The following INTU variants were observed in gnomAD, a reference collection of about 807,000 sequenced individuals.
The protein encoded by INTU is protein inturned.
In INTU, 68 loss-of-function variants were observed where a neutral mutation model predicts 100.5. That is an observed-to-expected ratio of 0.68 (90% CI 0.56 to 0.83). The LOEUF (loss-of-function observed/expected upper bound fraction) is 0.83. Ranked by LOEUF, INTU falls within the 40% of genes least tolerant of loss-of-function variation. The pLI, the probability that INTU is intolerant of heterozygous loss-of-function variation, is 0.00. For missense variants in INTU, 1,071 were observed against 1,114.7 expected (o/e 0.96, Z 0.56); for synonymous variants, 357 against 395.7 (o/e 0.90, Z 1.16).
At chr4:127,642,690 C>T (rs1027090246) in intron 1 of INTU, among the ~76,000 whole-genome samples, 1 of 152,032 alleles carries the variant, frequency 6.6e-6, no homozygotes, top group Admixed American at 6.6e-5. Flanking sequence ...CTGTTCATAA[C>T]ATTGAACAGG....
rs889050642 is a variant in INTU at position 127,718,681 on chromosome 4, C to T, written c.*2245C>T. The T allele has an allele frequency of 2.0e-5, 3 of 152,174 alleles. No individual in the cohort carries two copies. Among genetic ancestry groups the T allele is most frequent in the South Asian group, 2.1e-4 (1 of 4,826 alleles). 9.4% of individuals were successfully genotyped at this position (152,174 alleles called of 1,614,324 possible). ...TCCTTGAGCCGTGGTTTGTAGTTCTCCTTGAAGAGGTCCTTCACTTCCCTT... is the reference window on the plus strand; with the variant it reads ...TCCTTGAGCCGTGGTTTGTAGTTCTTCTTGAAGAGGTCCTTCACTTCCCTT... On this transcript the variant is annotated 3_prime_UTR_variant, in exon 16 of 16. Coordinates refer to ENST00000335251, the MANE Select transcript of INTU (RefSeq NM_015693.4).
chr4:127,667,504 C>A (rs927301909), intron 4 of INTU, among the ~76,000 whole-genome samples: 1 of 151,988 alleles, frequency 6.6e-6, no homozygotes, highest in African/African-American at 2.4e-5. Context: ...CTGTGAGTTA[C>A]ATATTTAATA....
intron 2 of INTU, among the ~76,000 whole-genome samples, chr4:127,644,801 TTTTAAG>T (rs1335826977): frequency 2.0e-5 from 3 of 152,242 alleles, no homozygotes; most frequent in African/African-American, 4.8e-5. Flanking sequence ...GCTGACAGTC[TTTTAAG>T]TTTATCTAGC....
At chr4:127,648,109 C>A (rs1351989505) in intron 2 of INTU, among the ~76,000 whole-genome samples, 1 of 152,104 alleles carries the variant, frequency 6.6e-6, no homozygotes, top group Admixed American at 6.5e-5. Context: ...TATTTCTACC[C>A]AGGCCATTTC....
At chr4:127,651,277 T>A (rs1427057052) in intron 2 of INTU, among the ~76,000 whole-genome samples, 1 of 152,152 alleles carries the variant, frequency 6.6e-6, no homozygotes, top group Non-Finnish European at 1.5e-5. Flanking sequence ...GGTGTTTTAG[T>A]CATGAAGTCC....
At chr4:127,698,481 G>A (rs1219815864) in intron 8 of INTU, among the ~76,000 whole-genome samples, 7 of 150,868 alleles carry the variant, frequency 4.6e-5, no homozygotes, top group South Asian at 2.1e-4. Context: ...AAAAAAAGTC[G>A]TGTGTGAGGT....
At chr4:127,706,208 G>T (rs1730871923) in intron 11 of INTU, among the ~76,000 whole-genome samples, 2 of 152,178 alleles carry the variant, frequency 1.3e-5, no homozygotes, top group African/African-American at 4.8e-5. Context: ...AGGACTTCCA[G>T]TAACTGAGGC....
At chr4:127,695,484 A>G (rs1226049622) in intron 8 of INTU, among the ~76,000 whole-genome samples, 3 of 152,110 alleles carry the variant, frequency 2.0e-5, no homozygotes, top group Non-Finnish European at 4.4e-5. Context: ...GCACATGTCT[A>G]TAGTGTCAGC....
At chr4:127,679,920 A>G (rs959567267) in intron 6 of INTU, among the ~76,000 whole-genome samples, 5 of 152,176 alleles carry the variant, frequency 3.3e-5, no homozygotes, top group African/African-American at 1.2e-4. Flanking sequence ...GATAAAGGAG[A>G]TATCACCACC....
At chr4:127,686,493 C>T (rs1729832863) in intron 7 of INTU, 1 of 152,228 alleles carries the variant, frequency 6.6e-6, no homozygotes. Flanking sequence ...TATCAAACCA[C>T]ACGTGCCTCC....
intron 4 of INTU, among the ~76,000 whole-genome samples, chr4:127,663,844 G>GT (rs1728583593): frequency 6.6e-6 from 1 of 152,020 alleles, no homozygotes; most frequent in East Asian, 1.9e-4. Context: ...GGAAGGTATC[G>GT]TTGCAATATC....
intron 2 of INTU, among the ~76,000 whole-genome samples, chr4:127,655,885 C>T (rs545870495): frequency 3.9e-5 from 6 of 152,282 alleles, no homozygotes; most frequent in African/African-American, 1.2e-4. Context: ...ACTCCGTGGG[C>T]GTAGGACCCT....
At chr4:127,645,240 G>A (rs1263476210) in intron 2 of INTU, among the ~76,000 whole-genome samples, 3 of 152,146 alleles carry the variant, frequency 2.0e-5, no homozygotes, top group Non-Finnish European at 4.4e-5. Context: ...AGCTTAATTG[G>A]TGCCATGTGA....
At position 127,706,624 on chromosome 4, in the gene INTU, A is replaced by G. The variant is rs1369188319; in HGVS notation, c.1926A>G (p.Ile642Met). The G allele has an allele frequency of 6.2e-7, 1 of 1,614,100 alleles. No individual in the cohort carries two copies. The highest frequency in any genetic ancestry group is 1.7e-5 in the Admixed American group (1 of 59,986). The change falls in exon 12 of 16, where the codon ATA (isoleucine) becomes ATG (methionine). Residue 642 changes from isoleucine to methionine, a missense_variant. Transcript: ENST00000335251. ...LHQLDGVDSR[I>M]DERLASSPVP... ...AGCTGGATGGAGTAGATTCTCGCAT[A>G]GATGAACGGCTAGCATCTTCTCCAG...
chr4:127,689,044 A>G (rs1386285682), intron 8 of INTU, among the ~76,000 whole-genome samples: 1 of 129,530 alleles, frequency 7.7e-6, no homozygotes, highest in Non-Finnish European at 1.5e-5. Flanking sequence ...GTGCAGTGGC[A>G]TGATCATAGC....
intron 2 of INTU, among the ~76,000 whole-genome samples, chr4:127,652,098 A>C (rs1727913263): frequency 7.4e-6 from 1 of 135,982 alleles, no homozygotes; most frequent in African/African-American, 2.9e-5. Context: ...GAAGTTGCTT[A>C]TCAGCTTAAG....
Position 127,684,483 on chromosome 4 carries a change from A to G in INTU, c.1256A>G (p.Asp419Gly), listed in dbSNP as rs757403691. ...QTLKFMYGSL[D>G]SAFCQIENVP... ...TTAAAATTTATGTATGGTTCTTTAG[A>G]TAGGTAAGTACTTCTTCAAATTGAA... The change falls in exon 7 of 16, where the codon GAT becomes GGT. Residue 419 changes from aspartate (D) to glycine (G), a missense_variant. Asp to Gly is a moderately conservative substitution (Grantham distance 94). Transcript: ENST00000335251. 2.0e-6 allele frequency: 3 copies of G among 1,493,888 alleles called. No homozygotes were observed. The South Asian group carries it at 3.4e-5, about 17-fold the overall frequency. 92.5% of individuals were successfully genotyped at this position (1,493,888 alleles called of 1,614,324 possible).
Position 127,656,714 on chromosome 4 carries a change from C to T in INTU, c.761C>T (p.Pro254Leu), listed in dbSNP as rs1006050230. 3.1e-6 allele frequency: 5 copies of T among 1,591,054 alleles called. No homozygotes were observed. The highest frequency in any genetic ancestry group is 1.3e-5 in the African/African-American group (1 of 74,614). ...IERVLSCIPG[P>L]MQVKLTFENA... ...AGAGTTCTGTCTTGCATTCCTGGAC[C>T]TATGCAGGTATGGACATTCTTTTTC... Residue 254 changes from proline (P) to leucine (L), a missense_variant, in exon 3 of 16, where the codon CCT becomes CTT. By Grantham distance (98) the Pro-to-Leu change is moderately conservative. Transcript: ENST00000335251.
At position 127,725,451 on chromosome 4, in the gene INTU, T is replaced by G. The variant is rs935581402; in HGVS notation, c.*9015T>G. ...TTTGGTTAAAACAATTTATTAAATG[T>G]CTTAAATTTCTGGATATGTCCCTGA... On this transcript the variant is annotated 3_prime_UTR_variant, in exon 16 of 16. Transcript: ENST00000335251. The G allele has an allele frequency of 6.6e-6, 1 of 152,238 alleles. No individual in the cohort carries two copies. Among genetic ancestry groups the G allele is most frequent in the Non-Finnish European group, 1.5e-5 (1 of 68,044 alleles). 9.4% of individuals were successfully genotyped at this position (152,238 alleles called of 1,614,324 possible).
Sources: allele counts gnomAD v4.1 joint callset (sites outside exome capture counted in the v4.1 genomes callset), GRCh38; gene constraint gnomAD v4.1.1; transcripts MANE v1.5; gene names NCBI Gene and HGNC (gene_info 2026-07-23, HGNC 2026-07-21).